The following GRAMD2B variants were observed in gnomAD, a reference collection of about 807,000 sequenced individuals.
The protein encoded by GRAMD2B is GRAM domain containing 2B.
Under a neutral mutation model 59.2 loss-of-function variants are expected in GRAMD2B, and 41 were observed. That is an observed-to-expected ratio of 0.69 (90% confidence interval 0.54 to 0.90). The LOEUF (loss-of-function observed/expected upper bound fraction) is 0.90, where lower values mean the gene tolerates loss of function less well. Ranked by LOEUF, GRAMD2B falls within the 40% of genes least tolerant of loss-of-function variation. The pLI is 0.00. For synonymous variants in GRAMD2B, 161 were observed against 182.7 expected (o/e 0.88, Z 0.96); for missense variants, 424 against 500.5 (o/e 0.85, Z 1.46).
At chr5:126,387,124 C>A (rs1052588255) in intron 1 of GRAMD2B, among the ~76,000 whole-genome samples, 3 of 151,978 alleles carry the variant, frequency 2.0e-5, no homozygotes, top group African/African-American at 7.2e-5. Flanking sequence ...AACTGTCAAG[C>A]TATTTCAGTT....
intron 10 of GRAMD2B, 60 bp downstream of exon 10, chr5:126,484,584 C>CTTTT: frequency 2.4e-6 from 3 of 1,267,792 alleles, no homozygotes; most frequent in Non-Finnish European, 3.2e-6. Flanking sequence ...CTGTTTGTAA[C>CTTTT]TTTTTTTTTT....
intron 1 of GRAMD2B, among the ~76,000 whole-genome samples, chr5:126,457,066 C>T (rs949235608): frequency 4.0e-5 from 6 of 151,852 alleles, no homozygotes; most frequent in African/African-American, 1.5e-4. Context: ...GTGGCAGGCG[C>T]CTGTAGTCCC....
chr5:126,400,835 T>C (rs1757768199), intron 1 of GRAMD2B, among the ~76,000 whole-genome samples: 1 of 152,134 alleles, frequency 6.6e-6, no homozygotes, highest in Non-Finnish European at 1.5e-5. Flanking sequence ...ATACATTCCC[T>C]TGTATGTGAC....
chr5:126,445,714 C>G (rs974646329), intron 1 of GRAMD2B: 2 of 152,166 alleles, frequency 1.3e-5, no homozygotes, highest in African/African-American at 2.4e-5. Flanking sequence ...ACTCCATCAT[C>G]CCACCTAGAG....
intron 1 of GRAMD2B, among the ~76,000 whole-genome samples, chr5:126,446,791 G>C (rs371726082): frequency 8.6e-5 from 13 of 152,036 alleles, no homozygotes; most frequent in African/African-American, 3.1e-4. Context: ...GCCACTCCCA[G>C]AAACTGGGAC....
Position 126,480,765 on chromosome 5 carries a change from C to T in GRAMD2B, c.735+58C>T, listed in dbSNP as rs562642483. 4 of 1,450,448 alleles carry T rather than the reference C, an allele frequency of 2.8e-6. No individual in the cohort carries two copies. The Admixed American group carries it at 5.0e-5, about 18-fold the overall frequency. The allele number at this position is 1,450,448 out of a possible 1,614,324, so 89.8% of individuals were successfully genotyped here. ...AGAAAGGGAATATGTCCCACAATTA[C>T]ACTTGTGCTTACACCATGACCAGGG... On this transcript the variant is annotated intron_variant, in intron 8 of 13. Coordinates refer to ENST00000285689, the MANE Select transcript of GRAMD2B (RefSeq NM_023927.4).
intron 1 of GRAMD2B, among the ~76,000 whole-genome samples, chr5:126,362,796 C>A (rs1174378328): frequency 2.0e-5 from 3 of 152,146 alleles, no homozygotes; most frequent in Non-Finnish European, 4.4e-5. Context: ...TGAAATTGGA[C>A]CCCTACCTTA....
rs867155546 is a variant in GRAMD2B at position 126,462,571 on chromosome 5, T to C, written c.84-2855T>C. ...GAATTTCACTTCCTCTTTGAGATAC[T>C]ACATAATTAATCCATATCATTGAAC... On this transcript the variant is annotated intron_variant, in intron 1 of 13. Coordinates refer to ENST00000285689, the MANE Select transcript of GRAMD2B (RefSeq NM_023927.4). 1.3e-4 allele frequency: 37 copies of C among 281,962 alleles called. 1 individual carries two copies. The highest frequency in any genetic ancestry group is 1.6e-4 in the Non-Finnish European group (29 of 186,756). 17.5% of individuals were successfully genotyped at this position (281,962 alleles called of 1,614,324 possible). A position where few individuals can be genotyped will look rare whatever the true frequency, so the allele number is the denominator to read the frequency against.
intron 1 of GRAMD2B, among the ~76,000 whole-genome samples, chr5:126,405,941 G>C (rs1005809009): frequency 3.3e-5 from 5 of 151,736 alleles, no homozygotes; most frequent in African/African-American, 1.2e-4. Context: ...AGTTTAAAAT[G>C]TTCTAGTGTT....
chr5:126,426,394 C>G (rs1373187544), intron 1 of GRAMD2B, among the ~76,000 whole-genome samples: 2 of 152,122 alleles, frequency 1.3e-5, no homozygotes, highest in Admixed American at 6.6e-5. Flanking sequence ...TCTTCTTTAC[C>G]AGTGCTCACC....
Position 126,431,053 on chromosome 5 carries a change from G to A in GRAMD2B, c.83+7364G>A, listed in dbSNP as rs537835694. Among the ~76,000 whole-genome samples, 108 of 152,240 alleles carry A rather than the reference G, an allele frequency of 7.1e-4. No homozygotes were observed. In the Middle Eastern group the frequency reaches 0.014, roughly 19 times the overall value. On this transcript the variant is annotated intron_variant, in intron 1 of 13. Transcript: ENST00000285689. ...ATAGATAGATACAAAATGAAAAACGGAGGCCTTCATCCTGTCTCCCACCTT... is the reference window on the plus strand; with the variant it reads ...ATAGATAGATACAAAATGAAAAACGAAGGCCTTCATCCTGTCTCCCACCTT...
intron 1 of GRAMD2B, among the ~76,000 whole-genome samples, chr5:126,415,624 T>C (rs1759205673): frequency 6.6e-6 from 1 of 152,184 alleles, no homozygotes; most frequent in Non-Finnish European, 1.5e-5. Flanking sequence ...AATCTGTGGC[T>C]ACTTGAGAAA....
chr5:126,439,200 A>G (rs1443467878), intron 1 of GRAMD2B, among the ~76,000 whole-genome samples: 1 of 152,182 alleles, frequency 6.6e-6, no homozygotes, highest in Non-Finnish European at 1.5e-5. Context: ...TAGGAACACT[A>G]AAGACAGTGG....
At chr5:126,435,547 C>A (rs9327405) in intron 1 of GRAMD2B, among the ~76,000 whole-genome samples, 1 of 152,030 alleles carries the variant, frequency 6.6e-6, no homozygotes, top group Non-Finnish European at 1.5e-5. Context: ...CCTTCTTTTC[C>A]GGCTTTGGGC....
chr5:126,456,300 C>T (rs1766270880), intron 1 of GRAMD2B, among the ~76,000 whole-genome samples: 1 of 152,042 alleles, frequency 6.6e-6, no homozygotes, highest in Admixed American at 6.5e-5. Context: ...AGCCTCGAAC[C>T]CCTGAGCTCA....
At chr5:126,394,360 T>TATCA (rs1166708550) in intron 1 of GRAMD2B, among the ~76,000 whole-genome samples, 1 of 151,818 alleles carries the variant, frequency 6.6e-6, no homozygotes, top group Non-Finnish European at 1.5e-5. Flanking sequence ...AGGGCATGAG[T>TATCA]ATCAGTTCAG....
chr5:126,408,646 G>A (rs1395519765), intron 1 of GRAMD2B, among the ~76,000 whole-genome samples: 1 of 150,936 alleles, frequency 6.6e-6, no homozygotes, highest in Non-Finnish European at 1.5e-5. Flanking sequence ...TGTGACTTCT[G>A]AAGTTAGCTC....
intron 1 of GRAMD2B, among the ~76,000 whole-genome samples, chr5:126,395,429 G>A (rs772012348): frequency 3.3e-5 from 5 of 152,146 alleles, no homozygotes; most frequent in African/African-American, 9.7e-5. Flanking sequence ...CTCATAGTTT[G>A]CCTGGTCTGA....
chr5:126,432,146 C>G (rs1385554075), intron 1 of GRAMD2B, among the ~76,000 whole-genome samples: 1 of 151,878 alleles, frequency 6.6e-6, no homozygotes, highest in African/African-American at 2.4e-5. Context: ...TCAGACTGGT[C>G]TTGAACTCCT....
Sources: allele counts gnomAD v4.1 joint callset (sites outside exome capture counted in the v4.1 genomes callset), GRCh38; gene constraint gnomAD v4.1.1; transcripts MANE v1.5; gene names NCBI Gene and HGNC (gene_info 2026-07-23, HGNC 2026-07-21).